The following SPRYD7 variants were observed in gnomAD, a reference collection of about 807,000 sequenced individuals.
The protein encoded by SPRYD7 is SPRY domain containing 7.
SPRYD7 carries 14 observed loss-of-function variants against 23.8 expected under a neutral mutation model. The observed-to-expected ratio is 0.59, with a 90% CI of 0.39 to 0.92. The LOEUF (loss-of-function observed/expected upper bound fraction) is 0.92. Ranked by LOEUF, SPRYD7 falls within the 40% of genes least tolerant of loss-of-function variation. The probability of loss-of-function intolerance (pLI) is 0.00; values close to 1 mark genes in which losing one functional copy is unlikely to be tolerated. For missense variants in SPRYD7, 194 were observed against 241.7 expected, an observed-to-expected ratio of 0.80 and a Z score of 1.31; for synonymous variants, 75 against 84.9, an observed-to-expected ratio of 0.88 and a Z score of 0.64.
intron 2 of SPRYD7, among the ~76,000 whole-genome samples, chr13:49,930,671 G>A (rs1955937767): frequency 6.6e-6 from 1 of 152,070 alleles, no homozygotes; most frequent in African/African-American, 2.4e-5. Flanking sequence ...TTATATGTTT[G>A]ACCTTATATG....
At chr13:49,919,300 C>T (rs1457977752) in intron 4 of SPRYD7, among the ~76,000 whole-genome samples, 1 of 151,904 alleles carries the variant, frequency 6.6e-6, no homozygotes, top group Non-Finnish European at 1.5e-5. Context: ...AATCCCAGCA[C>T]TTTGGAAGGC....
At chr13:49,933,908 T>G (rs1406449682) in intron 1 of SPRYD7, among the ~76,000 whole-genome samples, 1 of 152,150 alleles carries the variant, frequency 6.6e-6, no homozygotes. Context: ...AAGCCAAAGA[T>G]ATGGCATCAA....
chr13:49,929,717 A>C (rs1273046045), intron 2 of SPRYD7, among the ~76,000 whole-genome samples: 1 of 151,332 alleles, frequency 6.6e-6, no homozygotes, highest in Non-Finnish European at 1.5e-5. Flanking sequence ...GGCTGGTCTC[A>C]AATGCCTGAC....
At chr13:49,931,381 C>T (rs1375204260) in intron 1 of SPRYD7, among the ~76,000 whole-genome samples, 9 of 152,062 alleles carry the variant, frequency 5.9e-5, no homozygotes, top group Non-Finnish European at 7.4e-5. Flanking sequence ...GGGGTTTCAC[C>T]ATATTGGTCA....
chr13:49,925,647 T>A (rs1184365755), intron 3 of SPRYD7, among the ~76,000 whole-genome samples: 1 of 150,966 alleles, frequency 6.6e-6, no homozygotes, highest in Non-Finnish European at 1.5e-5. Context: ...CCGTCTCTAG[T>A]AAAAAATGAA....
intron 3 of SPRYD7, among the ~76,000 whole-genome samples, chr13:49,922,038 T>C (rs1362038870): frequency 1.3e-5 from 2 of 152,106 alleles, no homozygotes; most frequent in Non-Finnish European, 2.9e-5. Flanking sequence ...AACGTCTCTA[T>C]ACATTTTATT....
At chr13:49,919,771 G>A (rs1955796827) in intron 4 of SPRYD7, among the ~76,000 whole-genome samples, 4 of 135,128 alleles carry the variant, frequency 3.0e-5, no homozygotes, top group South Asian at 4.8e-4. Context: ...AAATAAAGCA[G>A]AATGGATTGA....
At chr13:49,935,903 C>T in intron 1 of SPRYD7, 1 of 351,202 alleles carries the variant, frequency 2.8e-6, no homozygotes, top group East Asian at 4.2e-5. Context: ...GAGGTCCACA[C>T]GCCCATTCGC....
chr13:49,914,989 G>A lies in SPRYD7; in HGVS notation c.*74C>T, dbSNP rs1007716055. 2.0e-4 allele frequency: 158 copies of A among 775,766 alleles called. No homozygotes were observed. The Admixed American group carries it at 4.0e-3, about 20-fold the overall frequency. 48.1% of individuals were successfully genotyped at this position (775,766 alleles called of 1,614,324 possible). On this transcript the variant is annotated 3_prime_UTR_variant, in exon 5 of 5. Transcript: ENST00000361840. The stretch of plus-strand genomic sequence containing the variant: ...TTTTAAGAATATATTTTCATCTATA[G>A]GCCAGGTAAAGTTTTATTAAATGAT...
At chr13:49,936,040 A>AGGGG in intron 1 of SPRYD7, 90 bp downstream of exon 1, 1 of 442,092 alleles carries the variant, frequency 2.3e-6, no homozygotes, top group Non-Finnish European at 3.6e-6. Flanking sequence ...GCGGCGGGGC[A>AGGGG]GCGTGGGGAC....
intron 2 of SPRYD7, among the ~76,000 whole-genome samples, chr13:49,928,333 T>C (rs182181749): frequency 2.6e-5 from 4 of 152,326 alleles, no homozygotes; most frequent in East Asian, 1.9e-4. Flanking sequence ...CCCCAGCTAC[T>C]CAGGAGGCTG....
chr13:49,927,888 C>T, intron 3 of SPRYD7, 31 bp downstream of exon 3: 1 of 1,610,588 alleles, frequency 6.2e-7, no homozygotes, highest in Non-Finnish European at 8.5e-7. Flanking sequence ...TAGTCATTTA[C>T]AGTGGAAAGC....
At position 49,921,591 on chromosome 13, in the gene SPRYD7, A is replaced by G. The variant is rs939294587; in HGVS notation, c.391-11T>C. 3.3e-6 allele frequency: 5 copies of G among 1,522,266 alleles called. No homozygotes were observed. The highest frequency in any genetic ancestry group is 4.6e-6 in the Non-Finnish European group (5 of 1,097,628). The allele number at this position is 1,522,266 out of a possible 1,614,324, so 94.3% of individuals were successfully genotyped here. A position where few individuals can be genotyped will look rare whatever the true frequency, so the allele number is the denominator to read the frequency against. ...GTCATAAGTAATACCCTAGGAAGGA[A>G]AAAACAGAAACGTTCCATAAAAGCT... On this transcript the variant is annotated splice_polypyrimidine_tract_variant and intron_variant, in intron 3 of 4. Transcript: ENST00000361840.
intron 3 of SPRYD7, among the ~76,000 whole-genome samples, chr13:49,926,438 G>T (rs895764357): frequency 2.6e-5 from 4 of 152,142 alleles, no homozygotes; most frequent in African/African-American, 9.7e-5. Context: ...ATTTGAATAA[G>T]GATGTTCCAT....
chr13:49,928,616 G>T (rs1327037479), intron 2 of SPRYD7, among the ~76,000 whole-genome samples: 1 of 152,044 alleles, frequency 6.6e-6, no homozygotes. Context: ...CCTTATCTGT[G>T]AACTGAGGAT....
At chr13:49,917,622 G>A (rs1163532503) in intron 4 of SPRYD7, among the ~76,000 whole-genome samples, 1 of 152,178 alleles carries the variant, frequency 6.6e-6, no homozygotes, top group Non-Finnish European at 1.5e-5. Context: ...TTCAATTTAT[G>A]AAATATAATT....
chr13:49,919,635 G>C (rs1049271593), intron 4 of SPRYD7, among the ~76,000 whole-genome samples: 1 of 150,506 alleles, frequency 6.6e-6, no homozygotes, highest in African/African-American at 2.4e-5. Context: ...GCTGAGGCAC[G>C]AGAATATCTT....
chr13:49,927,839 T>C (rs1274398255), intron 3 of SPRYD7, 80 bp downstream of exon 3: 1 of 1,481,500 alleles, frequency 6.7e-7, no homozygotes, highest in East Asian at 2.3e-5. Context: ...AACCACAAAC[T>C]CCCAGACAAA....
intron 4 of SPRYD7, among the ~76,000 whole-genome samples, chr13:49,915,389 ATAT>A (rs1021178122): frequency 2.6e-5 from 4 of 152,148 alleles, no homozygotes; most frequent in African/African-American, 9.7e-5. Flanking sequence ...ATATATAAAA[ATAT>A]TATTAGTAAT....
Sources: allele counts gnomAD v4.1 joint callset (sites outside exome capture counted in the v4.1 genomes callset), GRCh38; gene constraint gnomAD v4.1.1; transcripts MANE v1.5; gene names NCBI Gene and HGNC (gene_info 2026-07-23, HGNC 2026-07-21).